The following PDXDC1 variants were observed in gnomAD, a reference collection of about 807,000 sequenced individuals.
The protein encoded by PDXDC1 is pyridoxal-dependent decarboxylase domain-containing protein 1.
PDXDC1 carries 42 observed loss-of-function variants against 100.1 expected under a neutral mutation model. That is an observed-to-expected ratio of 0.42 (90% CI 0.33 to 0.54). The LOEUF is 0.54. PDXDC1 is among the 20% of genes least tolerant of loss of function. The pLI, the probability that PDXDC1 is intolerant of heterozygous loss-of-function variation, is 0.10. For synonymous variants in PDXDC1, 260 were observed against 371.7 expected (o/e 0.70, Z 3.46); for missense variants, 636 against 979.2 (o/e 0.65, Z 4.68).
intron 16 of PDXDC1, among the ~76,000 whole-genome samples, chr16:15,080,984 C>T (rs2045678950): frequency 6.6e-6 from 1 of 152,112 alleles, no homozygotes; most frequent in Non-Finnish European, 1.5e-5. Context: ...TAAACCATTC[C>T]TTTCATATCA....
Position 15,005,187 on chromosome 16 carries a change from T to A in PDXDC1, c.389+854T>A, listed in dbSNP as rs567145118. Among the ~76,000 whole-genome samples the A allele has an allele frequency of 2.0e-5, 3 of 152,284 alleles. No individual in the cohort carries two copies. The South Asian group carries it at 6.2e-4, about 32-fold the overall frequency. Reference sequence around the variant, plus strand: ...TTCTGGCTAACATGGTGAAACCCTGTCTCTACTAAAAATACAAAAAAATTA... The same window carrying A: ...TTCTGGCTAACATGGTGAAACCCTGACTCTACTAAAAATACAAAAAAATTA... On this transcript the variant is annotated intron_variant, in intron 5 of 22. Coordinates refer to ENST00000396410, the MANE Select transcript of PDXDC1 (RefSeq NM_015027.4).
Position 14,988,148 on chromosome 16 carries a change from A to G in PDXDC1, c.22-9605A>G, listed in dbSNP as rs528282320. 10 of 1,493,292 alleles carry G rather than the reference A, an allele frequency of 6.7e-6. No homozygotes were observed. In the Admixed American group the frequency reaches 1.2e-4, roughly 18 times the overall value. 92.5% of individuals were successfully genotyped at this position (1,493,292 alleles called of 1,614,324 possible). ...GCTTCTGCGTCACTGGTTTCCCCCAACAAGGCACAAAGGGCGGGTGCTTCC... is the reference window on the plus strand; with the variant it reads ...GCTTCTGCGTCACTGGTTTCCCCCAGCAAGGCACAAAGGGCGGGTGCTTCC... On this transcript the variant is annotated intron_variant, in intron 1 of 22. Transcript: ENST00000396410.
At chr16:15,140,197 C>A (rs1239841744), downstream of PDXDC1, among the ~76,000 whole-genome samples, 1 of 149,614 alleles carries the variant, frequency 6.7e-6, no homozygotes, top group Non-Finnish European at 1.5e-5. Flanking sequence ...GTAATCCCAG[C>A]ACTTTGGGAG....
In PDXDC1 at chr16:15,037,753, T is replaced by C. The variant is rs1450498847; in HGVS notation, c.*1478T>C. 3.2e-6 allele frequency: 1 copy of C among 312,894 alleles called. No homozygotes were observed. Among genetic ancestry groups the C allele is most frequent in the Non-Finnish European group, 5.8e-6 (1 of 172,892 alleles). 19.4% of individuals were successfully genotyped at this position (312,894 alleles called of 1,614,324 possible). ...CCCACGTACCTGAAATAGCTGCCGATAGACCAGTGAGAGGTAGGTTCTCCT... is the reference window on the plus strand; with the variant it reads ...CCCACGTACCTGAAATAGCTGCCGACAGACCAGTGAGAGGTAGGTTCTCCT... On this transcript the variant is annotated 3_prime_UTR_variant, in exon 23 of 23. Transcript: ENST00000396410.
At chr16:15,070,300 A>C (rs761324172) in intron 16 of PDXDC1, 87 of 1,604,554 alleles carry the variant, frequency 5.4e-5, no homozygotes, top group Admixed American at 8.5e-5. Flanking sequence ...TCATAAAAAA[A>C]CCAGAATAAC....
chr16:15,131,197 G>C (rs576640113), intron 16 of PDXDC1: 1 of 1,588,750 alleles, frequency 6.3e-7, no homozygotes, highest in South Asian at 1.1e-5. Flanking sequence ...AACGGAGTTG[G>C]CAGAGCTGCG....
chr16:15,058,307 A>G (rs1663426334), intron 16 of PDXDC1, among the ~76,000 whole-genome samples: 1 of 151,930 alleles, frequency 6.6e-6, no homozygotes, highest in African/African-American at 2.4e-5. Context: ...AAAAAAGAAA[A>G]AGAAAAAGAA....
intron 16 of PDXDC1, chr16:15,132,821 C>T (rs933789059): frequency 2.5e-5 from 37 of 1,471,374 alleles, no homozygotes; most frequent in Admixed American, 8.4e-5. Flanking sequence ...TATCTGGGCT[C>T]GGCGCTGCCG....
chr16:15,002,424 A>G (rs552721172), intron 4 of PDXDC1, among the ~76,000 whole-genome samples: 12 of 152,398 alleles, frequency 7.9e-5, no homozygotes, highest in African/African-American at 2.4e-4. Flanking sequence ...TCTCTAATAC[A>G]TAATTACTAT....
chr16:15,104,410 T>C (rs201567172), intron 16 of PDXDC1: 9 of 1,449,868 alleles, frequency 6.2e-6, no homozygotes, highest in South Asian at 1.3e-5. Context: ...ACTTGGGAGG[T>C]GTCTTGAGAT....
intron 16 of PDXDC1, among the ~76,000 whole-genome samples, chr16:15,122,417 G>C (rs1256958821): frequency 6.9e-6 from 1 of 145,740 alleles, no homozygotes; most frequent in Admixed American, 7.0e-5. Context: ...GTTTCGCTAT[G>C]ATGCCCTGGC....
At chr16:15,150,346 A>ATAAAT in the PDXDC1 span, among the ~76,000 whole-genome samples, 1 of 124,716 alleles carries the variant, frequency 8.0e-6, no homozygotes, top group Non-Finnish European at 1.8e-5. Flanking sequence ...ATCTCAAATA[A>ATAAAT]CAATAAATAA....
At chr16:15,131,289 C>G in intron 16 of PDXDC1, 1 of 1,579,280 alleles carries the variant, frequency 6.3e-7, no homozygotes, top group Non-Finnish European at 8.6e-7. Context: ...CGATGGGGAT[C>G]TGGGCGCCGG....
chr16:15,039,896 C>T (rs2043731492), downstream of PDXDC1: 7 of 843,782 alleles, frequency 8.3e-6, no homozygotes, highest in South Asian at 9.0e-5. Context: ...TTCTAAGATC[C>T]CAAAAACTTA....
At chr16:15,023,607 C>T (rs1385620670) in intron 13 of PDXDC1, among the ~76,000 whole-genome samples, 4 of 152,252 alleles carry the variant, frequency 2.6e-5, no homozygotes, top group Non-Finnish European at 5.9e-5. Context: ...TGCAGTGAGC[C>T]GAGATTGCGC....
intron 16 of PDXDC1, chr16:15,137,308 A>G (rs1438115990): frequency 1.8e-6 from 2 of 1,139,540 alleles, no homozygotes; most frequent in Non-Finnish European, 2.5e-6. Context: ...TGGGGGCAGG[A>G]GGCGGCGGGG....
rs1274337441 is a variant in PDXDC1, at chr16:15,065,165, C to T, written c.1399+35109C>T. On this transcript the variant is annotated intron_variant, in intron 16 of 16. Coordinates refer to the PDXDC1 transcript ENST00000535621. ...TGGGCGACAGAGTGAGACTCCGTCTCAAAAAAAAAAAAAAAATCCACCTCC... is the reference window on the plus strand; with the variant it reads ...TGGGCGACAGAGTGAGACTCCGTCTTAAAAAAAAAAAAAAAATCCACCTCC... 6.8e-6 allele frequency: 7 copies of T among 1,027,670 alleles called. No individual in the cohort carries two copies. In the African/African-American group the frequency reaches 1.4e-4, roughly 21 times the overall value. The allele number at this position is 1,027,670 out of a possible 1,614,324, so 63.7% of individuals were successfully genotyped here. A position where few individuals can be genotyped will look rare whatever the true frequency, so the allele number is the denominator to read the frequency against.
chr16:14,989,501 A>C (rs1179506233), intron 1 of PDXDC1: 8 of 1,612,014 alleles, frequency 5.0e-6, no homozygotes, highest in Non-Finnish European at 6.8e-6. Context: ...TGGGCCCCAC[A>C]GTCTGCAGCG....
rs1332931429 is a variant in PDXDC1, at chr16:15,133,435, G to C, written c.1400-5444G>C. On this transcript the variant is annotated intron_variant, in intron 16 of 16. Transcript: ENST00000535621. ...TGATGGCCAGAGACCTACGAGCAGAGGGGGGTGGTGAGCAGGTGGCAGTCT... is the reference window on the plus strand; with the variant it reads ...TGATGGCCAGAGACCTACGAGCAGACGGGGGTGGTGAGCAGGTGGCAGTCT... 7.1e-6 allele frequency: 7 copies of C among 990,314 alleles called. No individual in the cohort carries two copies. In the Admixed American group the frequency reaches 1.2e-4, roughly 17 times the overall value. 61.3% of individuals were successfully genotyped at this position (990,314 alleles called of 1,614,324 possible). A position where few individuals can be genotyped will look rare whatever the true frequency, so the allele number is the denominator to read the frequency against.
Sources: gnomAD v4.1 joint callset for allele counts (sites outside exome capture counted in the v4.1 genomes callset) on GRCh38, gnomAD v4.1.1 for gene constraint, MANE v1.5 for transcripts, NCBI Gene and HGNC (gene_info 2026-07-23, HGNC 2026-07-21) for gene names.